MACROD2: variants seen among roughly 807,000 people sequenced by gnomAD.
MACROD2 encodes mono-ADP ribosylhydrolase 2.
In MACROD2, 36 loss-of-function variants were observed where a neutral mutation model predicts 70.4. That is an observed-to-expected ratio of 0.51 (90% CI 0.39 to 0.68). MACROD2 has a LOEUF of 0.68. Ranked by LOEUF, MACROD2 falls within the 30% of genes least tolerant of loss-of-function variation. MACROD2 has a pLI of 0.00. For missense variants in MACROD2, 496 were observed against 538.4 expected (o/e 0.92, Z 0.78); for synonymous variants, 172 against 178.8 (o/e 0.96, Z 0.30).
chr20:14,829,855 A>G (rs1202921698), intron 5 of MACROD2, among the ~76,000 whole-genome samples: 4 of 152,146 alleles, frequency 2.6e-5, no homozygotes, highest in African/African-American at 9.7e-5. Context: ...TCTTTGTTAA[A>G]CATTTCAAAA....
intron 7 of MACROD2, among the ~76,000 whole-genome samples, chr20:15,456,813 C>T (rs2046732977): frequency 6.6e-6 from 1 of 152,114 alleles, no homozygotes; most frequent in Admixed American, 6.6e-5. Context: ...GTGACCTAGA[C>T]ATAGGATTTG....
intron 8 of MACROD2, among the ~76,000 whole-genome samples, chr20:15,510,792 G>T (rs572997899): frequency 7.2e-5 from 11 of 152,222 alleles, no homozygotes; most frequent in African/African-American, 2.7e-4. Flanking sequence ...AGGCTGTAAC[G>T]GTGAGCCCAG....
intron 4 of MACROD2, among the ~76,000 whole-genome samples, chr20:14,564,163 C>T (rs577686896): frequency 1.3e-5 from 2 of 151,960 alleles, no homozygotes; most frequent in South Asian, 2.1e-4. Flanking sequence ...TGAAACTGGA[C>T]CCCTATCTTG....
chr20:15,261,216 G>A lies in MACROD2; in HGVS notation c.540+31155G>A, dbSNP rs531677608. On this transcript the variant is annotated intron_variant, in intron 6 of 17. Coordinates refer to ENST00000684519, the MANE Select transcript of MACROD2 (RefSeq NM_001351661.2). ...GGCAGTCGATCATTGGATTTATACG[G>A]TTTGGCATTGATCTTGGAGAAGGCC... 7.9e-5 allele frequency among the ~76,000 whole-genome samples: 12 copies of A among 151,860 alleles called. No individual in the cohort carries two copies. In the East Asian group the frequency reaches 1.6e-3, roughly 20 times the overall value.
At chr20:15,562,639 CTT>C (rs2048259667) in intron 8 of MACROD2, among the ~76,000 whole-genome samples, 1 of 152,278 alleles carries the variant, frequency 6.6e-6, no homozygotes, top group Admixed American at 6.5e-5. Context: ...CAGCAGCAAA[CTT>C]TCTGAAGTCT....
intron 8 of MACROD2, among the ~76,000 whole-genome samples, chr20:15,791,833 C>T (rs148939544): frequency 3.7e-4 from 57 of 152,108 alleles, no homozygotes; most frequent in African/African-American, 1.2e-3. Context: ...CAATATTATA[C>T]ATTGACAAAC....
At chr20:15,860,819 T>G (rs190712054) in intron 8 of MACROD2, among the ~76,000 whole-genome samples, 1 of 152,288 alleles carries the variant, frequency 6.6e-6, no homozygotes, top group Admixed American at 6.5e-5. Flanking sequence ...CCTGAGGCAC[T>G]TTAAATTTTT....
At chr20:14,909,655 A>G (rs1198733143) in intron 5 of MACROD2, among the ~76,000 whole-genome samples, 1 of 152,092 alleles carries the variant, frequency 6.6e-6, no homozygotes, top group Admixed American at 6.6e-5. Flanking sequence ...CTACCTCTTT[A>G]AGTTTTGTAA....
intron 5 of MACROD2, among the ~76,000 whole-genome samples, chr20:14,854,125 T>A (rs2073228165): frequency 1.3e-5 from 2 of 152,240 alleles, no homozygotes; most frequent in Admixed American, 1.3e-4. Flanking sequence ...CTGATTTTTG[T>A]CCGTGAGTTC....
intron 8 of MACROD2, among the ~76,000 whole-genome samples, chr20:15,678,758 A>G (rs6043431): frequency 1.1e-4 from 16 of 151,936 alleles, no homozygotes; most frequent in Non-Finnish European, 1.6e-4. Context: ...AAAGGAAGGT[A>G]TGGCAGGATG....
At chr20:15,080,187 C>A (rs916857004) in intron 5 of MACROD2, among the ~76,000 whole-genome samples, 6 of 152,080 alleles carry the variant, frequency 3.9e-5, no homozygotes, top group Non-Finnish European at 8.8e-5. Flanking sequence ...GTCCCCTCTT[C>A]AGCTACTCTT....
intron 12 of MACROD2, among the ~76,000 whole-genome samples, chr20:15,949,004 G>C (rs913829519): frequency 3.3e-5 from 5 of 152,152 alleles, no homozygotes; most frequent in Admixed American, 3.3e-4. Context: ...ATTTATATGA[G>C]CATCCTTGTG....
At chr20:15,221,954 T>C (rs2076865458) in intron 5 of MACROD2, among the ~76,000 whole-genome samples, 1 of 152,218 alleles carries the variant, frequency 6.6e-6, no homozygotes, top group South Asian at 2.1e-4. Flanking sequence ...GCTGTGTATG[T>C]AACCTTAGAC....
chr20:15,884,538 A>G (rs1263821027), intron 9 of MACROD2, among the ~76,000 whole-genome samples: 1 of 152,076 alleles, frequency 6.6e-6, no homozygotes, highest in East Asian at 1.9e-4. Flanking sequence ...GAACCAGATC[A>G]GAGCTGTATT....
chr20:15,526,682 G>A (rs1448562910), intron 8 of MACROD2, among the ~76,000 whole-genome samples: 6 of 152,168 alleles, frequency 3.9e-5, no homozygotes, highest in Non-Finnish European at 7.4e-5. Context: ...ACTTGATTTA[G>A]CCAGCAACAC....
At chr20:14,611,000 G>C (rs2123427714) in intron 4 of MACROD2, among the ~76,000 whole-genome samples, 1 of 152,176 alleles carries the variant, frequency 6.6e-6, no homozygotes, top group Middle Eastern at 3.4e-3. Flanking sequence ...ATTTCATAGA[G>C]GGCTTTGCTG....
chr20:15,269,284 G>A (rs557912886), intron 6 of MACROD2, among the ~76,000 whole-genome samples: 3 of 152,204 alleles, frequency 2.0e-5, no homozygotes, highest in East Asian at 1.9e-4. Context: ...CCTGCCCAAC[G>A]TGGCTTGGAT....
At chr20:14,457,280 C>T (rs983320713) in intron 3 of MACROD2, among the ~76,000 whole-genome samples, 37 of 152,124 alleles carry the variant, frequency 2.4e-4, no homozygotes, top group African/African-American at 8.4e-4. Context: ...GAATGATGAT[C>T]GCTTTATTAA....
intron 4 of MACROD2, among the ~76,000 whole-genome samples, chr20:14,629,954 TCTATCTATCTATCTATCTA>T (rs1568709319): frequency 2.0e-4 from 29 of 142,042 alleles, no homozygotes; most frequent in African/African-American, 6.9e-4. Flanking sequence ...TGTGCTAAGG[TCTATCTATCTATCTATCTA>T]TCTATCTATC....
Sources: gnomAD v4.1 joint callset for allele counts (sites outside exome capture counted in the v4.1 genomes callset) on GRCh38, gnomAD v4.1.1 for gene constraint, MANE v1.5 for transcripts, NCBI Gene and HGNC (gene_info 2026-07-23, HGNC 2026-07-21) for gene names.